SMCO4: variants seen among roughly 807,000 people sequenced by gnomAD.
SMCO4 encodes the protein single-pass membrane protein with coiled-coil domains 4.
A neutral mutation model predicts 3.6 loss-of-function variants in SMCO4; 4 were observed. That is an observed-to-expected ratio of 1.11 (90% CI 0.54 to 2.53). The LOEUF is 2.53. Ranked by LOEUF, SMCO4 falls within the 30% of genes most tolerant of loss-of-function variation. SMCO4 has a pLI of 0.02. For missense variants in SMCO4, 70 were observed against 80.8 expected (o/e 0.87, Z 0.51); for synonymous variants, 36 against 35.3 (o/e 1.02, Z -0.07).
intron 1 of SMCO4, among the ~76,000 whole-genome samples, chr11:93,524,384 C>A (rs1273939922): frequency 1.3e-5 from 2 of 152,122 alleles, no homozygotes; most frequent in African/African-American, 4.8e-5. Flanking sequence ...TTTCGGAATA[C>A]AAGCTGATTT....
intron 2 of SMCO4, among the ~76,000 whole-genome samples, chr11:93,487,391 C>T (rs981746775): frequency 6.6e-6 from 1 of 152,124 alleles, no homozygotes; most frequent in Non-Finnish European, 1.5e-5. Context: ...TCCCTGCTGC[C>T]GACAGGCCAC....
chr11:93,497,680 A>G (rs911973182), intron 2 of SMCO4, among the ~76,000 whole-genome samples: 3 of 152,174 alleles, frequency 2.0e-5, no homozygotes, highest in African/African-American at 4.8e-5. Context: ...CCCCATTCAC[A>G]TCAGTTCATG....
chr11:93,518,190 A>T (rs1271065200), intron 1 of SMCO4, among the ~76,000 whole-genome samples: 1 of 152,244 alleles, frequency 6.6e-6, no homozygotes, highest in Non-Finnish European at 1.5e-5. Flanking sequence ...GTATAAATGG[A>T]ATCATATAAT....
At chr11:93,501,689 T>C (rs1287338385) in intron 1 of SMCO4, among the ~76,000 whole-genome samples, 1 of 152,172 alleles carries the variant, frequency 6.6e-6, no homozygotes, top group Non-Finnish European at 1.5e-5. Flanking sequence ...ACCCCCTTTT[T>C]CCAATTAAGG....
intron 2 of SMCO4, among the ~76,000 whole-genome samples, chr11:93,496,101 A>G (rs538346623): frequency 1.3e-5 from 2 of 152,214 alleles, no homozygotes; most frequent in South Asian, 4.1e-4. Context: ...GGTTTCAAGC[A>G]AGGGAATTAC....
the SMCO4 span, among the ~76,000 whole-genome samples, chr11:93,548,889 C>T: frequency 6.6e-6 from 1 of 152,184 alleles, no homozygotes; most frequent in Non-Finnish European, 1.5e-5. Context: ...CCACTGGTTA[C>T]TTGGTGTATA....
At chr11:93,500,985 G>C (rs1173119495) in intron 1 of SMCO4, among the ~76,000 whole-genome samples, 3 of 152,220 alleles carry the variant, frequency 2.0e-5, no homozygotes, top group Non-Finnish European at 4.4e-5. Flanking sequence ...AGGGACACCA[G>C]CTGGCCTCCG....
chr11:93,547,562 C>T (rs1949323236), upstream of SMCO4, among the ~76,000 whole-genome samples: 1 of 152,148 alleles, frequency 6.6e-6, no homozygotes, highest in South Asian at 2.1e-4. Context: ...CGAATTCTCC[C>T]TCCACGAGAA....
chr11:93,527,613 C>A lies in SMCO4; in HGVS notation c.-154+15663G>T, dbSNP rs550613258. Among the ~76,000 whole-genome samples, 3 of 152,172 alleles carry A rather than the reference C, an allele frequency of 2.0e-5. No individual in the cohort carries two copies. The South Asian group carries it at 6.2e-4, about 32-fold the overall frequency. On this transcript the variant is annotated intron_variant, in intron 1 of 2. Transcript: ENST00000298966. ...CTGGGACTACAGGCACACACCACCACGCATAACTAATTTTTTAAAAATTTT... is the reference window on the plus strand; with the variant it reads ...CTGGGACTACAGGCACACACCACCAAGCATAACTAATTTTTTAAAAATTTT...
intron 1 of SMCO4, among the ~76,000 whole-genome samples, chr11:93,542,754 C>T (rs564109166): frequency 6.6e-6 from 1 of 152,284 alleles, no homozygotes; most frequent in African/African-American, 2.4e-5. Context: ...CCCCGACCCC[C>T]AGGCGCCGAC....
intron 2 of SMCO4, among the ~76,000 whole-genome samples, chr11:93,497,654 G>A (rs1948790057): frequency 6.6e-6 from 1 of 151,774 alleles, no homozygotes; most frequent in Admixed American, 6.6e-5. Flanking sequence ...AGATCAGATG[G>A]TTGGGGGGAA....
At chr11:93,553,067 C>A in the SMCO4 span, among the ~76,000 whole-genome samples, 2 of 152,174 alleles carry the variant, frequency 1.3e-5, no homozygotes, top group Non-Finnish European at 2.9e-5. Flanking sequence ...ACAAGACTGT[C>A]CAGAGCTTCT....
the SMCO4 span, among the ~76,000 whole-genome samples, chr11:93,549,620 T>C: frequency 1.1e-4 from 1 of 8,794 alleles, no homozygotes; most frequent in East Asian, 7.8e-3. Flanking sequence ...AACTAATTTA[T>C]TTATTTTTTT....
intron 1 of SMCO4, among the ~76,000 whole-genome samples, chr11:93,534,214 AT>A: frequency 5.6e-5 from 1 of 17,952 alleles, no homozygotes; most frequent in Non-Finnish European, 1.4e-4. Flanking sequence ...AAATATATAT[AT>A]ACACACACAC....
At chr11:93,502,345 A>G (rs1290886037) in intron 1 of SMCO4, among the ~76,000 whole-genome samples, 1 of 151,878 alleles carries the variant, frequency 6.6e-6, no homozygotes, top group Non-Finnish European at 1.5e-5. Flanking sequence ...CCTCAAAAAC[A>G]CCCAGCAAGT....
rs11020399 is a variant in SMCO4 at position 93,523,463 on chromosome 11, G to A, written c.-154+19813C>T. 541 of 152,494 alleles carry A rather than the reference G, an allele frequency of 3.5e-3. 17 individuals are homozygous for A. The East Asian group carries it at 0.075, about 21-fold the overall frequency. The allele number at this position is 152,494 out of a possible 1,614,324, so 9.4% of individuals were successfully genotyped here. A position where few individuals can be genotyped will look rare whatever the true frequency, so the allele number is the denominator to read the frequency against. On this transcript the variant is annotated intron_variant, in intron 1 of 2. Coordinates refer to ENST00000298966, the MANE Select transcript of SMCO4 (RefSeq NM_020179.3). ...GCTTGAGCTCAGGAGTTCAAGACCAGCCTGGGTAACATGGCAAAACCCTAT... is the reference window on the plus strand; with the variant it reads ...GCTTGAGCTCAGGAGTTCAAGACCAACCTGGGTAACATGGCAAAACCCTAT...
chr11:93,522,764 T>G (rs1439136509), intron 1 of SMCO4, among the ~76,000 whole-genome samples: 1 of 152,174 alleles, frequency 6.6e-6, no homozygotes, highest in Non-Finnish European at 1.5e-5. Flanking sequence ...AGTCTAGTCC[T>G]TGATCCCATT....
chr11:93,547,610 A>G (rs1949323651), upstream of SMCO4, among the ~76,000 whole-genome samples: 1 of 152,208 alleles, frequency 6.6e-6, no homozygotes, highest in South Asian at 2.1e-4. Flanking sequence ...TATACCTTCA[A>G]TACCTAGCAT....
chr11:93,520,655 T>G (rs906771499), intron 1 of SMCO4, among the ~76,000 whole-genome samples: 1 of 152,230 alleles, frequency 6.6e-6, no homozygotes, highest in African/African-American at 2.4e-5. Flanking sequence ...TACTACCTTT[T>G]CCTATCAAGA....
Sources: gnomAD v4.1 joint callset for allele counts (sites outside exome capture counted in the v4.1 genomes callset) on GRCh38, gnomAD v4.1.1 for gene constraint, MANE v1.5 for transcripts, NCBI Gene and HGNC (gene_info 2026-07-23, HGNC 2026-07-21) for gene names.